AOX1: variants seen among roughly 807,000 people sequenced by gnomAD.
AOX1 encodes the protein aldehyde oxidase 1.
Under a neutral mutation model 169.5 loss-of-function variants are expected in AOX1, and 153 were observed. The ratio of observed to expected loss-of-function variants is 0.90; its 90% CI spans 0.79 to 1.03. AOX1 has a LOEUF of 1.03. Ranked by LOEUF, AOX1 falls within the 50% of genes least tolerant of loss-of-function variation. The pLI, the probability that AOX1 is intolerant of heterozygous loss-of-function variation, is 0.00. For synonymous variants in AOX1, 562 were observed against 581.9 expected (o/e 0.97, Z 0.49); for missense variants, 1,656 against 1,663.9 (o/e 1.00, Z 0.08).
At chr2:200,600,212 CTT>C (rs1387645870) in intron 5 of AOX1, among the ~76,000 whole-genome samples, 11 of 152,172 alleles carry the variant, frequency 7.2e-5, no homozygotes, top group Non-Finnish European at 1.2e-4. Flanking sequence ...TCTGAAGTCT[CTT>C]TTGTTTTTAT....
intron 21 of AOX1, among the ~76,000 whole-genome samples, chr2:200,636,259 G>T (rs1157705095): frequency 6.6e-6 from 1 of 151,042 alleles, no homozygotes; most frequent in African/African-American, 2.4e-5. Flanking sequence ...CTCCTGAGCA[G>T]CTGGGATTAT....
At chr2:200,654,206 CAAAAAAAAA>C (rs60045401) in intron 26 of AOX1, among the ~76,000 whole-genome samples, 7 of 84,766 alleles carry the variant, frequency 8.3e-5, no homozygotes, top group African/African-American at 2.6e-4. Context: ...GACCCTGTCT[CAAAAAAAAA>C]AAAAAAAAAA....
intron 19 of AOX1, 141 bp downstream of exon 19, chr2:200,624,124 C>T: frequency 2.1e-6 from 2 of 973,292 alleles, no homozygotes; most frequent in Non-Finnish European, 3.1e-6. Context: ...TAACCAGTCT[C>T]AGTATTAACA....
Position 200,609,119 on chromosome 2 carries a change from A to G in AOX1, c.1043A>G (p.Gln348Arg), listed in dbSNP as rs775029057. 3.1e-6 allele frequency: 5 copies of G among 1,614,080 alleles called. No homozygotes were observed. Among genetic ancestry groups the G allele is most frequent in the Non-Finnish European group, 4.2e-6 (5 of 1,179,996 alleles). ...LKHLGTLAGS[Q>R]IRNMASLGGH... ...CATTTGGGAACTCTGGCTGGGTCCC[A>G]GATCAGGAACATGGCTGTATGTATC... The change falls in exon 11 of 35, where the codon CAG becomes CGG. Residue 348 changes from glutamine (Q) to arginine (R), a missense_variant. Gln to Arg is a conservative substitution (Grantham distance 43). Coordinates refer to ENST00000374700, the MANE Select transcript of AOX1 (RefSeq NM_001159.4).
At position 200,620,760 on chromosome 2, in the gene AOX1, G is replaced by T. The variant is rs201215659; in HGVS notation, c.1815G>T (p.Leu605=). The T allele has an allele frequency of 5.6e-6, 9 of 1,609,432 alleles. No individual in the cohort carries two copies. In the East Asian group the frequency reaches 1.8e-4, roughly 32 times the overall value. ...GEAIYCDDMP[L]VDQELFLTFV... is the part of the protein sequence containing the mutation. ...CCATCTACTGTGATGACATGCCTCT[G>T]GTGGACCAGGAACTTTTCTTGACTT... Residue 605 remains leucine, a synonymous_variant, in exon 17 of 35, where the codon CTG becomes CTT. Coordinates refer to ENST00000374700, the MANE Select transcript of AOX1 (RefSeq NM_001159.4).
At chr2:200,595,104 T>C (rs1054695700) in intron 2 of AOX1, among the ~76,000 whole-genome samples, 168 bp from the exon 3 acceptor site, 5 of 152,232 alleles carry the variant, frequency 3.3e-5, no homozygotes, top group African/African-American at 4.8e-5. Context: ...TTTACAAGAT[T>C]ATTATAGCTT....
At position 200,638,362 on chromosome 2, in the gene AOX1, C is replaced by T. The variant is rs375463310; in HGVS notation, c.2568+60C>T. On this transcript the variant is annotated intron_variant, in intron 23 of 34. Coordinates refer to ENST00000374700, the MANE Select transcript of AOX1 (RefSeq NM_001159.4). ...TTGTAGATACAACATCCTATCAGTGCGCAGGGCAGTCTTTGGCTACTCTCT... is the reference window on the plus strand; with the variant it reads ...TTGTAGATACAACATCCTATCAGTGTGCAGGGCAGTCTTTGGCTACTCTCT... 291 of 1,463,128 alleles carry T rather than the reference C, an allele frequency of 2.0e-4. No homozygotes were observed. In the African/African-American group the frequency reaches 2.3e-3, roughly 12 times the overall value. 90.6% of individuals were successfully genotyped at this position (1,463,128 alleles called of 1,614,324 possible).
chr2:200,669,773 A>T (rs1185007120), intron 34 of AOX1, 31 bp downstream of exon 34: 2 of 1,601,902 alleles, frequency 1.2e-6, no homozygotes, highest in Admixed American at 1.7e-5. Flanking sequence ...AAAAATAGTG[A>T]TCATAAAATT....
chr2:200,589,218 C>G (rs577024150), intron 1 of AOX1, among the ~76,000 whole-genome samples: 1 of 152,152 alleles, frequency 6.6e-6, no homozygotes. Flanking sequence ...GGACAGCGCA[C>G]GTTGGCCAGG....
At chr2:200,620,455 C>T (rs970017593) in intron 16 of AOX1, among the ~76,000 whole-genome samples, 195 bp from the exon 17 acceptor site, 2 of 151,976 alleles carry the variant, frequency 1.3e-5, no homozygotes, top group Non-Finnish European at 2.9e-5. Flanking sequence ...GTGATCTGCC[C>T]ACCTTAGCCT....
At chr2:200,680,452 C>A (rs939671809), downstream of AOX1, among the ~76,000 whole-genome samples, 2 of 152,228 alleles carry the variant, frequency 1.3e-5, no homozygotes. Flanking sequence ...AGGAAGGTCA[C>A]TAGCCTGCTG....
At chr2:200,668,562 G>T in intron 32 of AOX1, 53 bp from the exon 33 acceptor site, 1 of 1,477,506 alleles carries the variant, frequency 6.8e-7, no homozygotes, top group South Asian at 1.2e-5. Flanking sequence ...ATGCTACTTA[G>T]TGTTGACTGT....
intron 30 of AOX1, among the ~76,000 whole-genome samples, chr2:200,662,390 T>A (rs553347273): frequency 6.6e-6 from 1 of 152,174 alleles, no homozygotes; most frequent in South Asian, 2.1e-4. Flanking sequence ...GCCATGGAGC[T>A]TGATGGTGAG....
At chr2:200,681,307 TGA>T (rs2036150817), downstream of AOX1, 2 of 152,638 alleles carry the variant, frequency 1.3e-5, no homozygotes, top group African/African-American at 4.8e-5. Flanking sequence ...GTTTCATTTC[TGA>T]GAGACTCTTA....
rs549219949 is a variant in AOX1 at position 200,627,794 on chromosome 2, C to T, written c.2221+345C>T. Reference sequence around the variant, plus strand: ...TATAGGCTGGAAAATGGAGGCTCAGCGTAATTATGGAGTGTGACCAAGGTC... The same window carrying T: ...TATAGGCTGGAAAATGGAGGCTCAGTGTAATTATGGAGTGTGACCAAGGTC... On this transcript the variant is annotated intron_variant, in intron 20 of 34. Coordinates refer to ENST00000374700, the MANE Select transcript of AOX1 (RefSeq NM_001159.4). 1.5e-3 allele frequency among the ~76,000 whole-genome samples: 223 copies of T among 152,176 alleles called. 5 individuals carry two copies. The highest frequency in any genetic ancestry group is 2.7e-3 in the South Asian group (13 of 4,830).
chr2:200,616,332 C>T lies in AOX1; in HGVS notation c.1704+269C>T, dbSNP rs115559743. Among the ~76,000 whole-genome samples the T allele has an allele frequency of 1.5e-3, 229 of 152,348 alleles. 1 individual carries two copies. The highest frequency in any genetic ancestry group is 5.2e-3 in the African/African-American group (218 of 41,580). On this transcript the variant is annotated intron_variant, in intron 16 of 34. Coordinates refer to ENST00000374700, the MANE Select transcript of AOX1 (RefSeq NM_001159.4). ...GCACTGTGGCCTTGTACCACAGACA[C>T]GCATGAGATGGCCACCTTGTCACGT... is the stretch of plus-strand genomic sequence containing the variant.
chr2:200,657,190 A>ATATT lies in AOX1; in HGVS notation c.3171+254_3171+255insATTT. On this transcript the variant is annotated intron_variant, in intron 27 of 34. Coordinates refer to ENST00000374700, the MANE Select transcript of AOX1 (RefSeq NM_001159.4). ...AATATATATATATATATATATATATATTTTTTTTTTTTTTTAATTAGCAGG... is the reference window on the plus strand; with the variant it reads ...AATATATATATATATATATATATATATATTTTTTTTTTTTTTTTTAATTAGCAGG... 2.9e-3 allele frequency among the ~76,000 whole-genome samples: 182 copies of ATATT among 62,876 alleles called. 3 individuals carry two copies. Among genetic ancestry groups the ATATT allele is most frequent in the South Asian group, 0.017 (26 of 1,508 alleles). The allele number at this position is 62,876 out of a possible 152,430, so 41.2% of individuals were successfully genotyped here.
At chr2:200,607,375 A>C (rs961952136) in intron 10 of AOX1, among the ~76,000 whole-genome samples, 1 of 152,100 alleles carries the variant, frequency 6.6e-6, no homozygotes, top group African/African-American at 2.4e-5. Flanking sequence ...GCTGCTCATC[A>C]TCACTGATCA....
At chr2:200,663,632 T>C (rs2105772656) in intron 31 of AOX1, among the ~76,000 whole-genome samples, 1 of 151,296 alleles carries the variant, frequency 6.6e-6, no homozygotes, top group East Asian at 2.0e-4. Flanking sequence ...CAAAGACTCA[T>C]AGAATTTCTC....
Sources: gnomAD v4.1 joint callset for allele counts (sites outside exome capture counted in the v4.1 genomes callset) on GRCh38, gnomAD v4.1.1 for gene constraint, MANE v1.5 for transcripts, NCBI Gene and HGNC (gene_info 2026-07-23, HGNC 2026-07-21) for gene names.